The following ZDHHC21 variants were observed in gnomAD, a reference collection of about 807,000 sequenced individuals.
The protein encoded by ZDHHC21 is palmitoyltransferase ZDHHC21.
In ZDHHC21, 15 loss-of-function variants were observed where a neutral mutation model predicts 34.6. The observed-to-expected ratio is 0.43, with a 90% CI of 0.29 to 0.67. ZDHHC21 has a LOEUF of 0.67. ZDHHC21 is among the 30% of genes least tolerant of loss of function. ZDHHC21 has a pLI of 0.14. For missense variants in ZDHHC21, 344 were observed against 327.7 expected (o/e 1.05, Z -0.38); for synonymous variants, 142 against 101.8 (o/e 1.40, Z -2.38).
intron 1 of ZDHHC21, among the ~76,000 whole-genome samples, chr9:14,691,468 A>T (rs965790412): frequency 6.6e-6 from 1 of 152,236 alleles, no homozygotes; most frequent in African/African-American, 2.4e-5. Flanking sequence ...TGAATCGGTC[A>T]TTACGAATTA....
chr9:14,619,725 T>C, intron 8 of ZDHHC21, 43 bp from the exon 9 acceptor site: 1 of 1,133,912 alleles, frequency 8.8e-7, no homozygotes, highest in Non-Finnish European at 1.2e-6. Context: ...AGAAAGTTAT[T>C]AAGTCTTTAT....
the ZDHHC21 span, among the ~76,000 whole-genome samples, chr9:14,601,853 G>C: frequency 6.6e-6 from 1 of 152,132 alleles, no homozygotes; most frequent in East Asian, 1.9e-4. Flanking sequence ...GCAGGGACAT[G>C]GATGAAGCTG....
At chr9:14,645,841 A>C (rs1004468897) in intron 7 of ZDHHC21, among the ~76,000 whole-genome samples, 2 of 152,168 alleles carry the variant, frequency 1.3e-5, no homozygotes, top group African/African-American at 4.8e-5. Flanking sequence ...GTCATCAGAG[A>C]AATGTAAATT....
intron 8 of ZDHHC21, among the ~76,000 whole-genome samples, chr9:14,623,530 TAA>T (rs201339505): frequency 7.1e-6 from 1 of 141,722 alleles, no homozygotes. Flanking sequence ...TCCTGTCTCT[TAA>T]AAAAAAAAAT....
chr9:14,641,889 G>A (rs1049812794), intron 7 of ZDHHC21, among the ~76,000 whole-genome samples: 9 of 152,050 alleles, frequency 5.9e-5, no homozygotes, highest in Admixed American at 3.3e-4. Flanking sequence ...ACAAAGTTTC[G>A]GAGTGGTAAG....
intron 2 of ZDHHC21, among the ~76,000 whole-genome samples, chr9:14,688,587 C>G (rs919726802): frequency 7.0e-6 from 1 of 143,198 alleles, no homozygotes; most frequent in Non-Finnish European, 1.5e-5. Flanking sequence ...GGGGGCCAGG[C>G]ACAGTGGCTC....
In ZDHHC21 at chr9:14,674,740, G is replaced by T. The variant is rs553987304; in HGVS notation, c.-45-355C>A. On this transcript the variant is annotated intron_variant, in intron 3 of 9. Transcript: ENST00000380916. ...GTAAACCCAAAAGAAATGAATACAC[G>T]TGTCCACCAAAAGATTATGTACAAA... 2.6e-5 allele frequency among the ~76,000 whole-genome samples: 4 copies of T among 151,988 alleles called. No individual in the cohort carries two copies. In the South Asian group the frequency reaches 8.3e-4, roughly 32 times the overall value.
chr9:14,667,809 G>A (rs9696984), intron 5 of ZDHHC21, among the ~76,000 whole-genome samples: 9,463 of 29,574 alleles, frequency 0.32, 1,679 homozygotes, highest in Non-Finnish European at 0.39. Flanking sequence ...AACCCTTCAT[G>A]CTAAAAACTC....
At chr9:14,626,140 A>T (rs527790116) in intron 8 of ZDHHC21, among the ~76,000 whole-genome samples, 1 of 152,118 alleles carries the variant, frequency 6.6e-6, no homozygotes, top group East Asian at 1.9e-4. Context: ...CTTTGATAAG[A>T]TTTTTGGTTA....
At chr9:14,599,957 C>G in the ZDHHC21 span, among the ~76,000 whole-genome samples, 3 of 152,240 alleles carry the variant, frequency 2.0e-5, no homozygotes, top group Non-Finnish European at 4.4e-5. Context: ...TTTCAATACC[C>G]CTTCATGCTA....
chr9:14,674,162 A>C, intron 4 of ZDHHC21, 25 bp downstream of exon 4: 2 of 1,448,098 alleles, frequency 1.4e-6, no homozygotes, highest in Non-Finnish European at 1.8e-6. Context: ...TAATTATACA[A>C]GAAAATAAAG....
At chr9:14,662,019 T>C (rs577587683) in intron 6 of ZDHHC21, among the ~76,000 whole-genome samples, 196 bp downstream of exon 6, 1 of 151,892 alleles carries the variant, frequency 6.6e-6, no homozygotes, top group South Asian at 2.1e-4. Context: ...TCTCTCCCTG[T>C]TAGAAAAGAT....
chr9:14,660,372 C>CAAAAAAAAAAAAA, intron 6 of ZDHHC21, among the ~76,000 whole-genome samples: 1 of 58,802 alleles, frequency 1.7e-5, no homozygotes, highest in Non-Finnish European at 2.8e-5. Context: ...GACTCCATCT[C>CAAAAAAAAAAAAA]AAAAAAAAAA....
chr9:14,664,639 T>A (rs10124940), intron 5 of ZDHHC21, among the ~76,000 whole-genome samples: 142,710 of 150,078 alleles, frequency 0.95, 67,922 homozygotes, highest in Middle Eastern at 0.98. Flanking sequence ...TGGTTCTCCC[T>A]GCACGCAGCT....
At chr9:14,684,126 C>T (rs1341057292) in intron 2 of ZDHHC21, among the ~76,000 whole-genome samples, 2 of 151,712 alleles carry the variant, frequency 1.3e-5, no homozygotes, top group Non-Finnish European at 2.9e-5. Context: ...GAAGCATTCC[C>T]TTTGAAAACT....
chr9:14,638,157 T>C (rs1217459044), intron 8 of ZDHHC21, among the ~76,000 whole-genome samples: 1 of 152,042 alleles, frequency 6.6e-6, no homozygotes, highest in Non-Finnish European at 1.5e-5. Flanking sequence ...AATAGCATAG[T>C]ATCTGTATAA....
intron 8 of ZDHHC21, among the ~76,000 whole-genome samples, chr9:14,626,037 T>C (rs1481360638): frequency 6.6e-6 from 1 of 151,966 alleles, no homozygotes; most frequent in Non-Finnish European, 1.5e-5. Flanking sequence ...GAAATAAGTC[T>C]CGCACTAATC....
At chr9:14,684,197 G>C (rs1328301583) in intron 2 of ZDHHC21, among the ~76,000 whole-genome samples, 1 of 151,140 alleles carries the variant, frequency 6.6e-6, no homozygotes, top group African/African-American at 2.4e-5. Flanking sequence ...GGAAGTTCTG[G>C]CCAGGGCAAT....
At chr9:14,595,005 T>C in the ZDHHC21 span, among the ~76,000 whole-genome samples, 1 of 152,162 alleles carries the variant, frequency 6.6e-6, no homozygotes, top group African/African-American at 2.4e-5. Context: ...TGGATGGCTA[T>C]AATAAAAAAG....
Sources: allele counts gnomAD v4.1 joint callset (sites outside exome capture counted in the v4.1 genomes callset), GRCh38; gene constraint gnomAD v4.1.1; transcripts MANE v1.5; gene names NCBI Gene and HGNC (gene_info 2026-07-23, HGNC 2026-07-21).